Variants in SAMD3 observed in about 807,000 individuals in gnomAD.
SAMD3 encodes sterile alpha motif domain-containing protein 3.
Under a neutral mutation model 58.5 loss-of-function variants are expected in SAMD3, and 63 were observed. That is an observed-to-expected ratio of 1.08 (90% CI 0.88 to 1.33). The LOEUF (loss-of-function observed/expected upper bound fraction) is 1.33, where lower values mean the gene tolerates loss of function less well. Ranked by LOEUF, SAMD3 falls within the 40% of genes most tolerant of loss-of-function variation. The probability of loss-of-function intolerance (pLI) is 0.00; values close to 1 mark genes in which losing one functional copy is unlikely to be tolerated. For missense variants in SAMD3, 604 were observed against 608.4 expected (o/e 0.99, Z 0.08); for synonymous variants, 220 against 210.3 (o/e 1.05, Z -0.40).
At chr6:130,307,643 G>A (rs1775951656) in intron 2 of SAMD3, among the ~76,000 whole-genome samples, 1 of 152,180 alleles carries the variant, frequency 6.6e-6, no homozygotes, top group South Asian at 2.1e-4. Context: ...ATGATCCTCA[G>A]TTCATTTTTA....
At chr6:130,346,344 G>C (rs1777449889) in intron 1 of SAMD3, among the ~76,000 whole-genome samples, 1 of 152,178 alleles carries the variant, frequency 6.6e-6, no homozygotes, top group Non-Finnish European at 1.5e-5. Flanking sequence ...GTGACAGATG[G>C]CACCTGGAAA....
chr6:130,164,083 T>C (rs1408376648), intron 8 of SAMD3, among the ~76,000 whole-genome samples: 2 of 98,790 alleles, frequency 2.0e-5, no homozygotes, highest in African/African-American at 8.4e-5. Flanking sequence ...ATAAAGTAGG[T>C]TGAAAAAAAA....
chr6:130,221,525 A>G (rs932942593), intron 1 of SAMD3: 1 of 152,214 alleles, frequency 6.6e-6, no homozygotes, highest in African/African-American at 2.4e-5. Context: ...ATTAACACAT[A>G]TTTTGTATGT....
intron 8 of SAMD3, among the ~76,000 whole-genome samples, chr6:130,174,090 C>G (rs1475014121): frequency 6.6e-6 from 1 of 152,212 alleles, no homozygotes; most frequent in African/African-American, 2.4e-5. Flanking sequence ...AATTTCAAGC[C>G]CGTGGTTCTT....
intron 5 of SAMD3, among the ~76,000 whole-genome samples, chr6:130,192,294 C>A (rs951651156): frequency 5.3e-5 from 8 of 152,096 alleles, no homozygotes; most frequent in African/African-American, 7.2e-5. Context: ...GTTTTCTTTT[C>A]TTTTTTAAGA....
chr6:130,155,093 T>C lies in SAMD3; in HGVS notation c.823-68A>G, dbSNP rs1050417779. 6 of 1,234,412 alleles carry C rather than the reference T, an allele frequency of 4.9e-6. No individual in the cohort carries two copies. The African/African-American group carries it at 7.4e-5, about 15-fold the overall frequency. The allele number at this position is 1,234,412 out of a possible 1,614,324, so 76.5% of individuals were successfully genotyped here. A position where few individuals can be genotyped will look rare whatever the true frequency, so the allele number is the denominator to read the frequency against. On this transcript the variant is annotated intron_variant, in intron 8 of 11. Coordinates refer to ENST00000439090, the MANE Select transcript of SAMD3 (RefSeq NM_001017373.4). ...TAAAAACTTGAATTTCAGGCTGTTA[T>C]TGCACACTCTTAACTCATTCCTAAG...
upstream of SAMD3, chr6:130,365,714 T>A (rs1778119186): frequency 1.0e-6 from 1 of 985,332 alleles, no homozygotes; most frequent in Admixed American, 6.1e-5. Context: ...GAAGAGCGCC[T>A]GCAAGCGGGT....
intron 2 of SAMD3, among the ~76,000 whole-genome samples, chr6:130,266,857 T>C (rs1774376987): frequency 6.6e-6 from 1 of 152,174 alleles, no homozygotes; most frequent in Non-Finnish European, 1.5e-5. Flanking sequence ...ATGAATGGCC[T>C]CCTGAGAGAA....
rs543941520 is a variant in SAMD3 at position 130,214,329 on chromosome 6, A to T, written c.269+8T>A. ...AAAAAAAATAAGGCCATTTATGAAC[A>T]TACTCACTCTCGAGCTGCTTCTGTT... is the stretch of plus-strand genomic sequence containing the variant. On this transcript the variant is annotated splice_region_variant and intron_variant, in intron 4 of 11. Transcript: ENST00000439090. The T allele has an allele frequency of 5.5e-4, 858 of 1,567,302 alleles. 11 individuals are homozygous for T. The South Asian group carries it at 9.1e-3, about 17-fold the overall frequency.
At chr6:130,224,537 T>C (rs1215580829), upstream of SAMD3, among the ~76,000 whole-genome samples, 3 of 152,010 alleles carry the variant, frequency 2.0e-5, no homozygotes, top group South Asian at 4.1e-4. Flanking sequence ...CCTAGGTTCA[T>C]GTGAGGACGG....
At chr6:130,210,903 G>A (rs529257666) in intron 4 of SAMD3, among the ~76,000 whole-genome samples, 20 of 152,096 alleles carry the variant, frequency 1.3e-4, no homozygotes, top group East Asian at 1.9e-4. Context: ...GGTGGATCAC[G>A]CGGTCAGGAG....
At chr6:130,175,555 A>C (rs1791645915) in intron 8 of SAMD3, among the ~76,000 whole-genome samples, 1 of 152,184 alleles carries the variant, frequency 6.6e-6, no homozygotes, top group Admixed American at 6.5e-5. Flanking sequence ...AAGAGCAAAA[A>C]AAAAAATTAT....
rs768086556 is a variant in SAMD3, at chr6:130,346,493, T to C, written c.-304+18627A>G. On this transcript the variant is annotated intron_variant, in intron 1 of 13. Transcript: ENST00000368134. Reference sequence around the variant, plus strand: ...TCATTGCTAGCACACCAGTCTGACATCAAACTGCAAGGTGGCAGTGAGGAT... The same window carrying C: ...TCATTGCTAGCACACCAGTCTGACACCAAACTGCAAGGTGGCAGTGAGGAT... 3.4e-4 allele frequency among the ~76,000 whole-genome samples: 52 copies of C among 152,172 alleles called. 1 individual carries two copies. The highest frequency in any genetic ancestry group is 1.5e-3 in the Admixed American group (23 of 15,286).
At chr6:130,151,335 A>T (rs1562368467) in intron 9 of SAMD3, among the ~76,000 whole-genome samples, 1 of 149,760 alleles carries the variant, frequency 6.7e-6, no homozygotes, top group African/African-American at 2.5e-5. Flanking sequence ...CCTCATACAT[A>T]TTTTTTTTTT....
chr6:130,284,779 G>A (rs1404463930), intron 2 of SAMD3, among the ~76,000 whole-genome samples: 1 of 152,156 alleles, frequency 6.6e-6, no homozygotes, highest in African/African-American at 2.4e-5. Flanking sequence ...GATGAAGATG[G>A]TTACTACGCG....
intron 7 of SAMD3, among the ~76,000 whole-genome samples, chr6:130,178,652 G>T (rs1269237922): frequency 6.6e-6 from 1 of 152,222 alleles, no homozygotes; most frequent in African/African-American, 2.4e-5. Context: ...CCAAGTACTA[G>T]TGTGAATACA....
At chr6:130,251,425 T>A (rs9492508) in intron 2 of SAMD3, among the ~76,000 whole-genome samples, 6,151 of 152,254 alleles carry the variant, frequency 0.04, 139 homozygotes, top group African/African-American at 0.06. Context: ...TTGAGTATGT[T>A]TTTGGTGTCA....
upstream of SAMD3, chr6:130,365,654 G>C: frequency 1.0e-6 from 1 of 985,458 alleles, no homozygotes; most frequent in Non-Finnish European, 1.2e-6. Flanking sequence ...GCTAGAGGCG[G>C]GCCCCACGGG....
chr6:130,220,468 C>T (rs1796175423), intron 1 of SAMD3, among the ~76,000 whole-genome samples: 1 of 152,194 alleles, frequency 6.6e-6, no homozygotes, highest in African/African-American at 2.4e-5. Flanking sequence ...CCTGCTTCTG[C>T]CTCGTTGACA....
Sources: gnomAD v4.1 joint callset for allele counts (sites outside exome capture counted in the v4.1 genomes callset) on GRCh38, gnomAD v4.1.1 for gene constraint, MANE v1.5 for transcripts, NCBI Gene and HGNC (gene_info 2026-07-23, HGNC 2026-07-21) for gene names.